RBFOX3: variants seen among roughly 807,000 people sequenced by gnomAD.
RBFOX3 encodes the protein RNA binding fox-1 homolog 3.
In RBFOX3, 17 loss-of-function variants were observed where a neutral mutation model predicts 48.7. The observed-to-expected ratio is 0.35, with a 90% CI of 0.24 to 0.52. RBFOX3 has a LOEUF of 0.52. RBFOX3 is among the 20% of genes least tolerant of loss of function. The pLI, the probability that RBFOX3 is intolerant of heterozygous loss-of-function variation, is 0.94. For missense variants in RBFOX3, 382 were observed against 497.5 expected (o/e 0.77, Z 2.21); for synonymous variants, 212 against 209.5 (o/e 1.01, Z -0.10).
chr17:79,399,065 G>A lies in RBFOX3; in HGVS notation c.-175+83389C>T, dbSNP rs183693554. On this transcript the variant is annotated intron_variant, in intron 2 of 14. Transcript: ENST00000693108. ...GGCAGAGGCAGGGTTGGAGTGACGC[G>A]GCTACAAGCCCGGGAACCCCTCGGG... is the stretch of plus-strand genomic sequence containing the variant. Among the ~76,000 whole-genome samples, 27 of 152,256 alleles carry A rather than the reference G, an allele frequency of 1.8e-4. No homozygotes were observed. In the East Asian group the frequency reaches 4.4e-3, roughly 25 times the overall value.
rs1417413916 is a variant in RBFOX3 at position 79,115,763 on chromosome 17, A to C, written c.-33-15T>G. The stretch of plus-strand genomic sequence containing the variant: ...TCCTGATCGCTCTGTGGAAGGAGAG[A>C]GAGCAAGGCCTGGTTAGAATCTTGT... On this transcript the variant is annotated splice_polypyrimidine_tract_variant and intron_variant, in intron 4 of 14. Transcript: ENST00000693108. 4 of 673,988 alleles carry C rather than the reference A, an allele frequency of 5.9e-6. No individual in the cohort carries two copies. Among genetic ancestry groups the C allele is most frequent in the Non-Finnish European group, 2.6e-6 (1 of 379,270 alleles). 41.8% of individuals were successfully genotyped at this position (673,988 alleles called of 1,614,324 possible).
At chr17:79,093,850 T>TCCCCG (rs1215308007) in intron 14 of RBFOX3, among the ~76,000 whole-genome samples, 28 of 136,936 alleles carry the variant, frequency 2.0e-4, no homozygotes, top group Admixed American at 1.9e-3. Context: ...GCCGCGCACC[T>TCCCCG]CCCCGCCCCG....
intron 2 of RBFOX3, among the ~76,000 whole-genome samples, chr17:79,446,787 C>T (rs781791391): frequency 3.8e-4 from 43 of 113,030 alleles, no homozygotes; most frequent in Non-Finnish European, 8.2e-4. Context: ...GGGGCAGTCA[C>T]GGAGCTGCAC....
At chr17:79,383,511 T>C (rs963824150) in intron 2 of RBFOX3, among the ~76,000 whole-genome samples, 16 of 152,250 alleles carry the variant, frequency 1.1e-4, no homozygotes, top group Non-Finnish European at 2.2e-4. Context: ...AATTAATTGC[T>C]GCTGATTAAA....
chr17:79,485,342 C>T (rs1376003355), intron 1 of RBFOX3, among the ~76,000 whole-genome samples: 1 of 152,048 alleles, frequency 6.6e-6, no homozygotes, highest in East Asian at 1.9e-4. Flanking sequence ...AGCCTGGCAG[C>T]CAGTCCAGGG....
intron 1 of RBFOX3, among the ~76,000 whole-genome samples, chr17:79,513,890 A>G (rs1216624726): frequency 2.0e-5 from 3 of 152,134 alleles, no homozygotes; most frequent in Admixed American, 6.5e-5. Context: ...GCCCCTGCAC[A>G]TCTGGTAGCC....
chr17:79,152,835 C>A (rs1191779069), intron 4 of RBFOX3, among the ~76,000 whole-genome samples: 1 of 152,220 alleles, frequency 6.6e-6, no homozygotes, highest in East Asian at 1.9e-4. Flanking sequence ...TCCTCCCACA[C>A]CAGGAACACG....
At chr17:79,145,465 C>T (rs2042836190) in intron 4 of RBFOX3, among the ~76,000 whole-genome samples, 1 of 152,230 alleles carries the variant, frequency 6.6e-6, no homozygotes, top group Non-Finnish European at 1.5e-5. Context: ...ACTTTAAAGG[C>T]TCCTGTGGTG....
intron 1 of RBFOX3, among the ~76,000 whole-genome samples, chr17:79,591,293 C>T (rs2145094620): frequency 6.6e-6 from 1 of 152,304 alleles, no homozygotes; most frequent in South Asian, 2.1e-4. Context: ...AATGAGCCCA[C>T]CTGCCTCGGG....
chr17:79,567,192 T>C (rs2092493145), intron 1 of RBFOX3, among the ~76,000 whole-genome samples: 1 of 144,330 alleles, frequency 6.9e-6, no homozygotes, highest in African/African-American at 2.5e-5. Flanking sequence ...TTTTTTTTTT[T>C]TTTTTTTTTG....
At chr17:79,272,201 C>T (rs1278815285) in intron 3 of RBFOX3, among the ~76,000 whole-genome samples, 3 of 152,150 alleles carry the variant, frequency 2.0e-5, no homozygotes, top group African/African-American at 7.2e-5. Context: ...CAGCAGCCGC[C>T]GTTGCTATTG....
At chr17:79,188,774 A>G (rs1776882453) in intron 4 of RBFOX3, among the ~76,000 whole-genome samples, 1 of 152,194 alleles carries the variant, frequency 6.6e-6, no homozygotes, top group Admixed American at 6.5e-5. Context: ...ACACCGAGCA[A>G]AAGGAACATC....
At chr17:79,474,936 GC>G (rs1217047268) in intron 2 of RBFOX3, among the ~76,000 whole-genome samples, 1 of 152,012 alleles carries the variant, frequency 6.6e-6, no homozygotes, top group Admixed American at 6.6e-5. Context: ...CACCTCAAGA[GC>G]CCCCTGGAGA....
chr17:79,255,216 TGTGTGC>T (rs1217357461), intron 3 of RBFOX3, among the ~76,000 whole-genome samples: 75 of 98,216 alleles, frequency 7.6e-4, no homozygotes, highest in African/African-American at 2.8e-3. Flanking sequence ...TGTGGTCACA[TGTGTGC>T]GTGTGTGTGT....
rs72849698 is a variant in RBFOX3 at position 79,361,008 on chromosome 17, C to A, written c.-174-53184G>T. On this transcript the variant is annotated intron_variant, in intron 2 of 14. Coordinates refer to ENST00000693108, the MANE Select transcript of RBFOX3 (RefSeq NM_001350451.2). The surrounding 1 kb of genome is among the most constrained non-coding windows in gnomAD (Gnocchi z 4.5). ...GGGTTATTTCTGCTGAATGCCGCAC[C>A]GTGCCTGGGAAGAACATCAGCTTTT... Among the ~76,000 whole-genome samples the A allele has an allele frequency of 5.9e-5, 9 of 152,046 alleles. No homozygotes were observed. Among genetic ancestry groups the A allele is most frequent in the African/African-American group, 2.2e-4 (9 of 41,476 alleles).
chr17:79,106,954 C>T (rs2077492292), intron 5 of RBFOX3, among the ~76,000 whole-genome samples, 166 bp from the exon 6 acceptor site: 1 of 152,164 alleles, frequency 6.6e-6, no homozygotes, highest in Non-Finnish European at 1.5e-5. Flanking sequence ...AGACGGTTCC[C>T]ATGAGATACA....
chr17:79,473,138 G>A lies in RBFOX3; in HGVS notation c.-175+9316C>T, dbSNP rs1298323915. ...CGATTAGACTCATCAGACCTAAAACGACTCCTTCAAATGACTAAAAGATTC... is the reference window on the plus strand; with the variant it reads ...CGATTAGACTCATCAGACCTAAAACAACTCCTTCAAATGACTAAAAGATTC... On this transcript the variant is annotated intron_variant, in intron 2 of 14. Coordinates refer to ENST00000693108, the MANE Select transcript of RBFOX3 (RefSeq NM_001350451.2). This position sits in a 1 kb window ranked among gnomAD's most constrained non-coding sequence, Gnocchi z 4.2. Among the ~76,000 whole-genome samples, 2 of 152,192 alleles carry A rather than the reference G, an allele frequency of 1.3e-5. No homozygotes were observed. The highest frequency in any genetic ancestry group is 2.4e-5 in the African/African-American group (1 of 41,448).
intron 3 of RBFOX3, among the ~76,000 whole-genome samples, chr17:79,241,882 G>A (rs1308457275): frequency 6.6e-6 from 1 of 152,124 alleles, no homozygotes; most frequent in African/African-American, 2.4e-5. Context: ...TTGCCCAAGG[G>A]ACCCTCCCTC....
chr17:79,626,371 C>A, the RBFOX3 span, among the ~76,000 whole-genome samples: 1 of 152,200 alleles, frequency 6.6e-6, no homozygotes, highest in Admixed American at 6.5e-5. Flanking sequence ...CCAGCTAGGG[C>A]AGGATGCTGT....
Sources: allele counts gnomAD v4.1 joint callset (sites outside exome capture counted in the v4.1 genomes callset), GRCh38; gene constraint gnomAD v4.1.1; non-coding constraint Gnocchi (gnomAD v3.1); transcripts MANE v1.5; gene names NCBI Gene and HGNC (gene_info 2026-07-23, HGNC 2026-07-21).